EPB41L1: variants seen among roughly 807,000 people sequenced by gnomAD.
EPB41L1 encodes the protein band 4.1-like protein 1.
A neutral mutation model predicts 97.8 loss-of-function variants in EPB41L1; 29 were observed. The observed-to-expected ratio is 0.30, with a 90% CI of 0.22 to 0.40. EPB41L1 has a LOEUF of 0.40. EPB41L1 is among the 10% of genes least tolerant of loss of function. EPB41L1 has a pLI of 1.00. For missense variants in EPB41L1, 812 were observed against 1,162.3 expected (o/e 0.70, Z 4.38); for synonymous variants, 383 against 459.2 (o/e 0.83, Z 2.12).
chr20:36,110,800 CCTT>C (rs2058377033), intron 1 of EPB41L1: 1 of 152,174 alleles, frequency 6.6e-6, no homozygotes, highest in African/African-American at 2.4e-5. Flanking sequence ...GAGTTCAAAT[CCTT>C]CTTCTATGTC....
At chr20:36,118,440 C>T (rs1327962094) in intron 2 of EPB41L1, among the ~76,000 whole-genome samples, 1 of 152,082 alleles carries the variant, frequency 6.6e-6, no homozygotes, top group Non-Finnish European at 1.5e-5. Context: ...TTCCAAGGGG[C>T]ACCTTAAGCT....
At position 36,231,133 on chromosome 20, in the gene EPB41L1, G is replaced by C. The variant is rs2064472922; in HGVS notation, c.*1793G>C. The C allele has an allele frequency of 6.6e-6, 1 of 152,218 alleles. No homozygotes were observed. The highest frequency in any genetic ancestry group is 1.5e-5 in the Non-Finnish European group (1 of 68,088). The allele number at this position is 152,218 out of a possible 1,614,324, so 9.4% of individuals were successfully genotyped here. A position where few individuals can be genotyped will look rare whatever the true frequency, so the allele number is the denominator to read the frequency against. On this transcript the variant is annotated 3_prime_UTR_variant, in exon 22 of 22. Transcript: ENST00000338074. ...GAGACCTCCCTCTCAGTCAACAGCTGAACTCTGAGCTTGTGCCCAGAAATT... is the reference window on the plus strand; with the variant it reads ...GAGACCTCCCTCTCAGTCAACAGCTCAACTCTGAGCTTGTGCCCAGAAATT...
chr20:36,151,762 G>C, upstream of EPB41L1: 1 of 152,180 alleles, frequency 6.6e-6, no homozygotes, highest in Non-Finnish European at 1.5e-5. Flanking sequence ...CTGTGTAAGC[G>C]TAACCTTGGG....
intron 21 of EPB41L1, among the ~76,000 whole-genome samples, chr20:36,227,058 T>C (rs2064202234): frequency 6.6e-6 from 1 of 152,186 alleles, no homozygotes; most frequent in African/African-American, 2.4e-5. Context: ...CTCACACTTG[T>C]AATCCCAGCA....
chr20:36,232,466 C>T lies in EPB41L1; in HGVS notation c.*3126C>T, dbSNP rs1383449280. The T allele has an allele frequency of 5.0e-6, 2 of 397,548 alleles. No homozygotes were observed. Among genetic ancestry groups the T allele is most frequent in the Non-Finnish European group, 8.9e-6 (2 of 225,764 alleles). 24.6% of individuals were successfully genotyped at this position (397,548 alleles called of 1,614,324 possible). A position where few individuals can be genotyped will look rare whatever the true frequency, so the allele number is the denominator to read the frequency against. On this transcript the variant is annotated 3_prime_UTR_variant, in exon 22 of 22. Transcript: ENST00000338074. ...CCAGGGTCTTTTTCTACTTTGCTAT[C>T]TCATGGGTCTTCATTTTCTCTTATT...
At chr20:36,214,050 G>A (rs2063297456) in intron 16 of EPB41L1, among the ~76,000 whole-genome samples, 1 of 152,054 alleles carries the variant, frequency 6.6e-6, no homozygotes, top group African/African-American at 2.4e-5. Context: ...ATACTTCTCG[G>A]TGAGCTTTTC....
At chr20:36,175,844 A>G (rs1396416130) in intron 3 of EPB41L1, 129 bp downstream of exon 3, 1 of 976,034 alleles carries the variant, frequency 1.0e-6, no homozygotes, top group Non-Finnish European at 1.6e-6. Context: ...GTCCAGAGAG[A>G]TGACCTGGCT....
In EPB41L1 at chr20:36,113,391, C is replaced by G. The variant is rs554838717; in HGVS notation, c.-10+911C>G. Reference sequence around the variant, plus strand: ...TTCAATGTGAAGTATCTTTGTACCCCTAGGGAAACTTTCCATTTGTGTGTG... The same window carrying G: ...TTCAATGTGAAGTATCTTTGTACCCGTAGGGAAACTTTCCATTTGTGTGTG... On this transcript the variant is annotated intron_variant, in intron 2 of 19. Transcript: ENST00000202028. Among the ~76,000 whole-genome samples the G allele has an allele frequency of 1.7e-3, 252 of 151,072 alleles. 1 individual carries two copies. Among genetic ancestry groups the G allele is most frequent in the African/African-American group, 5.9e-3 (242 of 41,130 alleles).
chr20:36,101,923 TGAA>T, intron 1 of EPB41L1, among the ~76,000 whole-genome samples: 1 of 151,924 alleles, frequency 6.6e-6, no homozygotes, highest in Non-Finnish European at 1.5e-5. Flanking sequence ...GAGAATCGCT[TGAA>T]CCTGGGAGGC....
chr20:36,175,832 G>A (rs1219525767), intron 3 of EPB41L1, 117 bp downstream of exon 3: 22 of 1,091,030 alleles, frequency 2.0e-5, no homozygotes, highest in Admixed American at 5.8e-5. Context: ...ACCAGTCACA[G>A]TGTCCAGAGA....
intron 6 of EPB41L1, among the ~76,000 whole-genome samples, chr20:36,183,114 G>C (rs1011466460): frequency 6.6e-6 from 1 of 152,208 alleles, no homozygotes; most frequent in African/African-American, 2.4e-5. Context: ...AAACCAGAAC[G>C]GGGGAAGCCC....
At chr20:36,139,602 G>A (rs776364430) in intron 2 of EPB41L1, among the ~76,000 whole-genome samples, 3 of 152,168 alleles carry the variant, frequency 2.0e-5, no homozygotes, top group African/African-American at 2.4e-5. Flanking sequence ...CTAGCTCAGC[G>A]CTTCAGACCT....
chr20:36,223,106 C>T (rs1374834717), intron 21 of EPB41L1, among the ~76,000 whole-genome samples: 1 of 152,222 alleles, frequency 6.6e-6, no homozygotes. Flanking sequence ...CCGTGTTAGC[C>T]AGGATAGTCT....
rs1318492933 is a variant in EPB41L1 at position 36,177,877 on chromosome 20, G to A, written c.343-75G>A. Reference sequence around the variant, plus strand: ...CCCTTGGGGTTTTTGAATTGTCCTGGTGGAGCCCAGGGTATCTCCCAGCCT... The same window carrying A: ...CCCTTGGGGTTTTTGAATTGTCCTGATGGAGCCCAGGGTATCTCCCAGCCT... On this transcript the variant is annotated intron_variant, in intron 3 of 21. Coordinates refer to ENST00000338074, the MANE Select transcript of EPB41L1 (RefSeq NM_012156.2). 4 of 1,218,820 alleles carry A rather than the reference G, an allele frequency of 3.3e-6. No individual in the cohort carries two copies. In the African/African-American group the frequency reaches 4.5e-5, roughly 14 times the overall value. 75.5% of individuals were successfully genotyped at this position (1,218,820 alleles called of 1,614,324 possible).
intron 2 of EPB41L1, among the ~76,000 whole-genome samples, chr20:36,145,412 A>G (rs1341306399): frequency 3.3e-5 from 5 of 151,712 alleles, no homozygotes; most frequent in Admixed American, 2.0e-4. Flanking sequence ...AAAAAAAAAA[A>G]AAGAGTTCCC....
intron 2 of EPB41L1, among the ~76,000 whole-genome samples, chr20:36,125,120 G>A (rs952251059): frequency 2.0e-5 from 3 of 152,186 alleles, no homozygotes; most frequent in African/African-American, 7.2e-5. Context: ...TCAAGGGGCT[G>A]TGCTGTATGG....
intron 8 of EPB41L1, 99 bp from the exon 9 acceptor site, chr20:36,188,248 G>A (rs955492190): frequency 6.5e-7 from 1 of 1,537,796 alleles, no homozygotes; most frequent in South Asian, 1.1e-5. Flanking sequence ...CTGAGAGCTC[G>A]TTACAAGCAG....
At chr20:36,160,325 T>G (rs2145630516) in intron 1 of EPB41L1, among the ~76,000 whole-genome samples, 1 of 152,350 alleles carries the variant, frequency 6.6e-6, no homozygotes, top group African/African-American at 2.4e-5. Context: ...GGCTCATGCC[T>G]ATAATCCCAG....
At chr20:36,219,690 C>T (rs1365802904) in intron 18 of EPB41L1, 71 bp from the exon 19 acceptor site, 3 of 1,359,646 alleles carry the variant, frequency 2.2e-6, no homozygotes, top group Non-Finnish European at 3.2e-6. Flanking sequence ...TTTACCCCAC[C>T]CCGCCCTCAC....
Sources: allele counts gnomAD v4.1 joint callset (sites outside exome capture counted in the v4.1 genomes callset), GRCh38; gene constraint gnomAD v4.1.1; transcripts MANE v1.5; gene names NCBI Gene and HGNC (gene_info 2026-07-23, HGNC 2026-07-21).